CPPED1: variants seen among roughly 807,000 people sequenced by gnomAD.
CPPED1 encodes the protein serine/threonine-protein phosphatase CPPED1.
CPPED1 carries 28 observed loss-of-function variants against 28.0 expected under a neutral mutation model. That is an observed-to-expected ratio of 1.00 (90% confidence interval 0.74 to 1.37). The LOEUF is 1.37. Ranked by LOEUF, CPPED1 falls within the 40% of genes most tolerant of loss-of-function variation. The probability of loss-of-function intolerance (pLI) is 0.00; values close to 1 mark genes in which losing one functional copy is unlikely to be tolerated. For synonymous variants in CPPED1, 198 were observed against 180.2 expected, an observed-to-expected ratio of 1.10 and a Z score of -0.79; for missense variants, 504 against 416.5, an observed-to-expected ratio of 1.21 and a Z score of -1.83.
At chr16:12,681,996 C>T (rs192927449) in intron 3 of CPPED1, among the ~76,000 whole-genome samples, 5 of 152,092 alleles carry the variant, frequency 3.3e-5, no homozygotes, top group East Asian at 1.9e-4. Flanking sequence ...ATCCTGGACT[C>T]GAGGATTAGT....
rs565950998 is a variant in CPPED1 at position 12,735,962 on chromosome 16, T to C, written c.290-30913A>G. 1.3e-5 allele frequency among the ~76,000 whole-genome samples: 2 copies of C among 152,236 alleles called. 1 individual carries two copies. Among genetic ancestry groups the C allele is most frequent in the African/African-American group, 4.8e-5 (2 of 41,540 alleles). On this transcript the variant is annotated intron_variant, in intron 2 of 3. Transcript: ENST00000381774. ...GGAAGAGGGTTACACCTGGAGACCA[T>C]TATGGGCCGTCACTTTAGTCCAGTG...
intron 2 of CPPED1, among the ~76,000 whole-genome samples, chr16:12,752,538 T>C (rs2080336606): frequency 6.6e-6 from 1 of 151,300 alleles, no homozygotes; most frequent in South Asian, 2.1e-4. Context: ...TGAAAATCAG[T>C]TAGAAGTCTA....
intron 3 of CPPED1, among the ~76,000 whole-genome samples, chr16:12,693,488 G>A (rs570623458): frequency 3.3e-5 from 5 of 152,010 alleles, no homozygotes; most frequent in Admixed American, 3.3e-4. Context: ...GAGTCTCTGT[G>A]CCTGGCCATG....
intron 2 of CPPED1, among the ~76,000 whole-genome samples, chr16:12,723,126 G>T (rs575547741): frequency 6.6e-6 from 1 of 152,060 alleles, no homozygotes; most frequent in Non-Finnish European, 1.5e-5. Flanking sequence ...CACACACACC[G>T]CACATGCACA....
intron 2 of CPPED1, among the ~76,000 whole-genome samples, chr16:12,718,844 T>C (rs1469587415): frequency 6.6e-6 from 1 of 152,080 alleles, no homozygotes; most frequent in Non-Finnish European, 1.5e-5. Context: ...GCACCAATAA[T>C]AGCAGCTATT....
chr16:12,680,398 C>G (rs2079898646), intron 3 of CPPED1, among the ~76,000 whole-genome samples: 1 of 152,106 alleles, frequency 6.6e-6, no homozygotes, highest in African/African-American at 2.4e-5. Context: ...CCTCTGCCCC[C>G]ACACTGCTAT....
intron 3 of CPPED1, among the ~76,000 whole-genome samples, chr16:12,678,029 C>T (rs2079886732): frequency 6.6e-6 from 1 of 152,132 alleles, no homozygotes; most frequent in Admixed American, 6.5e-5. Context: ...AGGAAGGCCA[C>T]CCTCACTAAT....
At chr16:12,711,349 T>C (rs1213355280) in intron 2 of CPPED1, among the ~76,000 whole-genome samples, 1 of 152,184 alleles carries the variant, frequency 6.6e-6, no homozygotes, top group Non-Finnish European at 1.5e-5. Context: ...TGGTGAGTTA[T>C]TGTTTAATGG....
intron 3 of CPPED1, among the ~76,000 whole-genome samples, chr16:12,697,025 T>A (rs1305453095): frequency 6.6e-6 from 1 of 152,028 alleles, no homozygotes; most frequent in African/African-American, 2.4e-5. Flanking sequence ...TTTTCTTTAT[T>A]TTTATTTTTT....
rs924231656 is a variant in CPPED1 at position 12,724,470 on chromosome 16, G to A, written c.290-19421C>T. Among the ~76,000 whole-genome samples the A allele has an allele frequency of 2.0e-5, 3 of 152,218 alleles. No homozygotes were observed. In the South Asian group the frequency reaches 6.2e-4, roughly 31 times the overall value. ...ATCCATTATCGCGCAGCTGCCAGCA[G>A]TGGCTCTTTCAGCTGTCACCAGCCT... On this transcript the variant is annotated intron_variant, in intron 2 of 3. Coordinates refer to ENST00000381774, the MANE Select transcript of CPPED1 (RefSeq NM_018340.3).
chr16:12,710,370 A>G (rs1445221104), intron 2 of CPPED1, among the ~76,000 whole-genome samples: 3 of 151,342 alleles, frequency 2.0e-5, no homozygotes, highest in Non-Finnish European at 4.4e-5. Context: ...GTTTACTGTC[A>G]GGGAAAAGAC....
At chr16:12,733,457 T>C (rs889232770) in intron 2 of CPPED1, among the ~76,000 whole-genome samples, 1 of 152,078 alleles carries the variant, frequency 6.6e-6, no homozygotes, top group African/African-American at 2.4e-5. Context: ...GTATTTTTAG[T>C]AGAGACAGGG....
chr16:12,665,138 T>C, intron 3 of CPPED1, 23 bp from the exon 4 acceptor site: 1 of 1,583,682 alleles, frequency 6.3e-7, no homozygotes, highest in South Asian at 1.2e-5. Context: ...GAAAAAGTCA[T>C]TAGGGGGCCG....
chr16:12,683,758 G>A (rs1372013846), intron 3 of CPPED1, among the ~76,000 whole-genome samples: 1 of 152,104 alleles, frequency 6.6e-6, no homozygotes, highest in African/African-American at 2.4e-5. Flanking sequence ...CTGATCTCCT[G>A]TATGATATTC....
chr16:12,797,707 T>C (rs1441205387), intron 1 of CPPED1, among the ~76,000 whole-genome samples: 1 of 151,976 alleles, frequency 6.6e-6, no homozygotes, highest in Non-Finnish European at 1.5e-5. Flanking sequence ...CTGATGAGCT[T>C]GAAAAAAAAA....
intron 2 of CPPED1, among the ~76,000 whole-genome samples, chr16:12,748,332 G>A (rs1198760689): frequency 6.6e-6 from 1 of 152,074 alleles, no homozygotes; most frequent in African/African-American, 2.4e-5. Context: ...AATACAGAAG[G>A]CTTTCTAACA....
At chr16:12,769,262 A>G (rs971422837) in intron 2 of CPPED1, among the ~76,000 whole-genome samples, 2 of 152,196 alleles carry the variant, frequency 1.3e-5, no homozygotes, top group Non-Finnish European at 2.9e-5. Flanking sequence ...ACTATATCCA[A>G]TAATTTAAAA....
chr16:12,772,625 T>A (rs2080476423), intron 2 of CPPED1, among the ~76,000 whole-genome samples: 1 of 152,230 alleles, frequency 6.6e-6, no homozygotes, highest in Non-Finnish European at 1.5e-5. Flanking sequence ...AAATATCAGA[T>A]GTCTGGGACC....
chr16:12,767,675 C>T (rs906094061), intron 2 of CPPED1, among the ~76,000 whole-genome samples: 6 of 152,182 alleles, frequency 3.9e-5, no homozygotes, highest in Non-Finnish European at 5.9e-5. Context: ...AGAAATTGCC[C>T]TACTGGGGTG....
Sources: allele counts gnomAD v4.1 joint callset (sites outside exome capture counted in the v4.1 genomes callset), GRCh38; gene constraint gnomAD v4.1.1; transcripts MANE v1.5; gene names NCBI Gene and HGNC (gene_info 2026-07-23, HGNC 2026-07-21).